The following CHRM3 variants were observed in gnomAD, a reference collection of about 807,000 sequenced individuals.
CHRM3 encodes muscarinic acetylcholine receptor M3.
A neutral mutation model predicts 41.8 loss-of-function variants in CHRM3; 11 were observed. The ratio of observed to expected loss-of-function variants is 0.26; its 90% CI spans 0.17 to 0.44. CHRM3 has a LOEUF of 0.44. Ranked by LOEUF, CHRM3 falls within the 20% of genes least tolerant of loss-of-function variation. The probability of loss-of-function intolerance (pLI) is 1.00; values close to 1 mark genes in which losing one functional copy is unlikely to be tolerated. For synonymous variants in CHRM3, 297 were observed against 301.4 expected, an observed-to-expected ratio of 0.99 and a Z score of 0.15; for missense variants, 571 against 745.4, an observed-to-expected ratio of 0.77 and a Z score of 2.72.
chr1:239,736,557 T>C (rs536972436), intron 5 of CHRM3, among the ~76,000 whole-genome samples: 2 of 152,178 alleles, frequency 1.3e-5, no homozygotes, highest in Admixed American at 1.3e-4. Flanking sequence ...CAGGATGTAT[T>C]ATCGGATGTT....
chr1:239,740,417 C>T (rs1270289270), intron 5 of CHRM3, among the ~76,000 whole-genome samples: 1 of 150,738 alleles, frequency 6.6e-6, no homozygotes, highest in Non-Finnish European at 1.5e-5. Context: ...CTAGCTTGCT[C>T]TGAGGTACCA....
In CHRM3 at chr1:239,635,250, AC is replaced by A. The variant is rs574201069; in HGVS notation, c.-250+2966del. On this transcript the variant is annotated intron_variant, in intron 4 of 6. Transcript: ENST00000676153. ...TCACAGCCAGCGTCTGCTTTGGGAA[AC>A]CTCCATCAGATCTTGTTATTCTCCT... Among the ~76,000 whole-genome samples, 490 of 151,414 alleles carry A rather than the reference AC, an allele frequency of 3.2e-3. 5 individuals carry two copies. Among genetic ancestry groups the A allele is most frequent in the Non-Finnish European group, 4.3e-3 (289 of 67,830 alleles).
intron 5 of CHRM3, among the ~76,000 whole-genome samples, chr1:239,710,752 A>G (rs1661692682): frequency 6.6e-6 from 1 of 151,992 alleles, no homozygotes; most frequent in Non-Finnish European, 1.5e-5. Flanking sequence ...TCTAAGCATA[A>G]AGAAAATAAG....
intron 3 of CHRM3, among the ~76,000 whole-genome samples, chr1:239,594,681 A>G (rs909293487): frequency 2.0e-5 from 3 of 152,238 alleles, no homozygotes; most frequent in East Asian, 1.9e-4. Flanking sequence ...TTCAAATGGC[A>G]TGCAGAAAAC....
intron 3 of CHRM3, among the ~76,000 whole-genome samples, chr1:239,616,437 A>G (rs958219779): frequency 2.6e-5 from 4 of 152,186 alleles, no homozygotes; most frequent in African/African-American, 9.6e-5. Flanking sequence ...CTATAGAGCC[A>G]GGGTGTCCTT....
At chr1:239,797,927 T>C (rs907139664) in intron 5 of CHRM3, among the ~76,000 whole-genome samples, 1 of 152,132 alleles carries the variant, frequency 6.6e-6, no homozygotes, top group African/African-American at 2.4e-5. Flanking sequence ...CTTGTGCCTG[T>C]AGTCGCAGCT....
intron 1 of CHRM3, among the ~76,000 whole-genome samples, chr1:239,471,860 T>C (rs553277067): frequency 1.5e-4 from 23 of 152,318 alleles, no homozygotes; most frequent in Admixed American, 3.9e-4. Flanking sequence ...GCAGCTTCCC[T>C]GTGCGGCCTG....
At chr1:239,660,400 C>CAGT (rs1369646559) in intron 4 of CHRM3, among the ~76,000 whole-genome samples, 2 of 152,182 alleles carry the variant, frequency 1.3e-5, no homozygotes, top group African/African-American at 4.8e-5. Context: ...TTCTTCCCTA[C>CAGT]ACTTACCAAA....
chr1:239,513,226 CT>C (rs1669040388), intron 2 of CHRM3, among the ~76,000 whole-genome samples: 1 of 152,140 alleles, frequency 6.6e-6, no homozygotes, highest in Admixed American at 6.5e-5. Context: ...TTAATCTGAT[CT>C]TATTTGGGGG....
chr1:239,781,395 C>T (rs1488058275), intron 5 of CHRM3, among the ~76,000 whole-genome samples: 1 of 152,200 alleles, frequency 6.6e-6, no homozygotes, highest in Non-Finnish European at 1.5e-5. Flanking sequence ...CAAATTCCAC[C>T]TGTTCATTGC....
At chr1:239,891,962 C>T (rs554875728) in intron 6 of CHRM3, among the ~76,000 whole-genome samples, 6 of 152,258 alleles carry the variant, frequency 3.9e-5, no homozygotes, top group South Asian at 4.1e-4. Flanking sequence ...CCATCACAGC[C>T]GAGAACTCGG....
intron 5 of CHRM3, among the ~76,000 whole-genome samples, chr1:239,759,924 A>AT (rs1197159879): frequency 2.0e-5 from 3 of 151,432 alleles, no homozygotes; most frequent in Non-Finnish European, 4.4e-5. Flanking sequence ...TTATTTATTT[A>AT]TTTTTTTTGA....
intron 6 of CHRM3, among the ~76,000 whole-genome samples, chr1:239,904,559 C>T (rs936244983): frequency 6.6e-6 from 1 of 152,150 alleles, no homozygotes; most frequent in Non-Finnish European, 1.5e-5. Flanking sequence ...GTACATGCAT[C>T]TTGGAAGAAA....
intron 6 of CHRM3, among the ~76,000 whole-genome samples, chr1:239,840,920 G>A (rs997911313): frequency 6.6e-6 from 1 of 152,168 alleles, no homozygotes; most frequent in Non-Finnish European, 1.5e-5. Context: ...GGCATGTGAA[G>A]TGATTGTTCC....
At chr1:239,875,584 C>G (rs1007483255) in intron 6 of CHRM3, among the ~76,000 whole-genome samples, 1 of 152,214 alleles carries the variant, frequency 6.6e-6, no homozygotes, top group Non-Finnish European at 1.5e-5. Context: ...CAAGGCCAAC[C>G]CTGCTCCATG....
intron 3 of CHRM3, among the ~76,000 whole-genome samples, chr1:239,557,844 A>T (rs1204527501): frequency 6.6e-6 from 1 of 152,160 alleles, no homozygotes; most frequent in Non-Finnish European, 1.5e-5. Context: ...ATAGTATTCC[A>T]TGGTGCATAT....
chr1:239,712,191 T>C (rs1006129089), intron 5 of CHRM3, among the ~76,000 whole-genome samples: 107 of 152,346 alleles, frequency 7.0e-4, no homozygotes, highest in African/African-American at 2.4e-3. Flanking sequence ...AAAAATAATT[T>C]TATTCACTAT....
At chr1:239,899,210 G>T (rs982291981) in intron 6 of CHRM3, among the ~76,000 whole-genome samples, 1 of 151,134 alleles carries the variant, frequency 6.6e-6, no homozygotes, top group Non-Finnish European at 1.5e-5. Context: ...TATTCAATTT[G>T]CTGTACATTT....
intron 5 of CHRM3, among the ~76,000 whole-genome samples, chr1:239,679,281 A>G (rs1335034434): frequency 6.6e-6 from 1 of 152,166 alleles, no homozygotes; most frequent in African/African-American, 2.4e-5. Context: ...ACTACATAAC[A>G]ACTCACCTGC....
Sources: allele counts gnomAD v4.1 joint callset (sites outside exome capture counted in the v4.1 genomes callset), GRCh38; gene constraint gnomAD v4.1.1; transcripts MANE v1.5; gene names NCBI Gene and HGNC (gene_info 2026-07-23, HGNC 2026-07-21).